CASK: variants seen among roughly 807,000 people sequenced by gnomAD.
The protein encoded by CASK is calcium/calmodulin dependent serine protein kinase.
Under a neutral mutation model 82.9 loss-of-function variants are expected in CASK, and 4 were observed. That is an observed-to-expected ratio of 0.05 (90% CI 0.02 to 0.11). The LOEUF (loss-of-function observed/expected upper bound fraction) is 0.11. Among genes scored for constraint, CASK ranks in the 10% least tolerant of loss-of-function variants. The pLI is 1.00. For missense variants in CASK, 358 were observed against 720.9 expected, an observed-to-expected ratio of 0.50 and a Z score of 5.76; for synonymous variants, 259 against 253.5, an observed-to-expected ratio of 1.02 and a Z score of -0.20.
chrX:41,599,238 C>T (rs960415954), intron 12 of CASK, among the ~76,000 whole-genome samples: 2 of 111,620 alleles, frequency 1.8e-5, no homozygotes, highest in African/African-American at 6.5e-5. Context: ...TTAGGTGTTC[C>T]GGGAAAGCTT....
intron 1 of CASK, 71 bp downstream of exon 1, chrX:41,922,859 G>A (rs1457085303): frequency 5.1e-6 from 5 of 983,029 alleles, no homozygotes; most frequent in African/African-American, 1.9e-5. Flanking sequence ...GGCCCCGAGC[G>A]GGTGCGGGAA....
At chrX:41,738,589 C>T (rs952295820) in intron 5 of CASK, among the ~76,000 whole-genome samples, 3 of 112,068 alleles carry the variant, frequency 2.7e-5, no homozygotes, top group East Asian at 2.8e-4. Flanking sequence ...TTAAATACAT[C>T]GAAGAAGCCA....
intron 2 of CASK, among the ~76,000 whole-genome samples, chrX:41,842,259 G>A (rs927699277): frequency 1.3e-4 from 14 of 111,650 alleles, no homozygotes; most frequent in African/African-American, 4.6e-4. Context: ...GTTACACTAT[G>A]TGTATTAATG....
intron 1 of CASK, among the ~76,000 whole-genome samples, chrX:41,913,854 G>A (rs1436989993): frequency 8.9e-6 from 1 of 111,895 alleles, no homozygotes; most frequent in Non-Finnish European, 1.9e-5. Context: ...GTGCCCAAAG[G>A]TTACCAGATC....
chrX:41,898,270 A>C (rs1037395972), intron 1 of CASK, among the ~76,000 whole-genome samples: 5 of 111,626 alleles, frequency 4.5e-5, no homozygotes, highest in African/African-American at 1.6e-4. Flanking sequence ...TGTTTATAGT[A>C]GTCTCTTATA....
chrX:41,800,375 C>T (rs2069968397), intron 2 of CASK, among the ~76,000 whole-genome samples: 2 of 110,924 alleles, frequency 1.8e-5, no homozygotes, highest in Non-Finnish European at 3.8e-5. Context: ...TTCCCCAGCT[C>T]CTACTCTATA....
At chrX:41,599,271 A>C (rs1322461357) in intron 12 of CASK, among the ~76,000 whole-genome samples, 1 of 112,294 alleles carries the variant, frequency 8.9e-6, no homozygotes, top group Non-Finnish European at 1.9e-5. Flanking sequence ...TTAGCAGTGA[A>C]ATGCTAACTT....
At chrX:41,577,856 TG>T (rs1261301563) in intron 15 of CASK, among the ~76,000 whole-genome samples, 1 of 111,526 alleles carries the variant, frequency 9.0e-6, no homozygotes, top group African/African-American at 3.3e-5. Flanking sequence ...TAGCTGGGAG[TG>T]GAAGAAATTT....
At chrX:41,567,748 T>C (rs2065341190) in intron 16 of CASK, among the ~76,000 whole-genome samples, 1 of 111,383 alleles carries the variant, frequency 9.0e-6, no homozygotes, top group Admixed American at 9.6e-5. Context: ...AGTATATACC[T>C]AAAGGATTAT....
At chrX:41,797,247 G>A (rs781678793) in intron 2 of CASK, among the ~76,000 whole-genome samples, 90 of 108,783 alleles carry the variant, frequency 8.3e-4, no homozygotes, top group Non-Finnish European at 1.1e-3. Context: ...CTTGTGCACC[G>A]GCCCCCTGCT....
At chrX:41,823,059 C>A (rs1011593018) in intron 2 of CASK, among the ~76,000 whole-genome samples, 3 of 107,818 alleles carry the variant, frequency 2.8e-5, no homozygotes, top group Non-Finnish European at 5.8e-5. Context: ...GGCCTTGAGG[C>A]AGCCTAGCAA....
intron 2 of CASK, among the ~76,000 whole-genome samples, chrX:41,807,893 T>C (rs1052353891): frequency 8.9e-6 from 1 of 111,834 alleles, no homozygotes; most frequent in Non-Finnish European, 1.9e-5. Context: ...TTCACTCTTA[T>C]CACCCAGGCT....
intron 9 of CASK, among the ~76,000 whole-genome samples, chrX:41,628,289 C>A (rs1204843396): frequency 8.9e-6 from 1 of 111,887 alleles, no homozygotes; most frequent in African/African-American, 3.2e-5. Context: ...GTTTAGGTAT[C>A]TGCTAATATG....
chrX:41,687,545 G>C (rs2067464341), intron 5 of CASK, among the ~76,000 whole-genome samples: 1 of 111,937 alleles, frequency 8.9e-6, no homozygotes, highest in Non-Finnish European at 1.9e-5. Flanking sequence ...CAAGGGCAGG[G>C]GGAGAGGAGA....
rs774241589 is a variant in CASK at position 41,671,573 on chromosome X, C to T, written c.430-43G>A. 4.9e-6 allele frequency: 4 copies of T among 823,826 alleles called. No homozygotes were observed. In the Admixed American group the frequency reaches 6.8e-5, roughly 14 times the overall value. 67.9% of individuals were successfully genotyped at this position (823,826 alleles called of 1,213,427 possible). A position where few individuals can be genotyped will look rare whatever the true frequency, so the allele number is the denominator to read the frequency against. Reference sequence around the variant, plus strand: ...CGAACAAACAAACAAAAAACAAACCCGAAGATAAGGATTCATTGAAGATGA... The same window carrying T: ...CGAACAAACAAACAAAAAACAAACCTGAAGATAAGGATTCATTGAAGATGA... On this transcript the variant is annotated intron_variant, in intron 5 of 26. Transcript: ENST00000378163.
intron 2 of CASK, among the ~76,000 whole-genome samples, chrX:41,820,559 A>G (rs1454215514): frequency 9.0e-6 from 1 of 111,252 alleles, no homozygotes; most frequent in East Asian, 2.8e-4. Context: ...AGGACTCAAT[A>G]TGGTTAAGAT....
At chrX:41,601,290 C>CA (rs1303041617) in intron 12 of CASK, among the ~76,000 whole-genome samples, 4 of 111,050 alleles carry the variant, frequency 3.6e-5, no homozygotes, top group Non-Finnish European at 1.9e-5. Flanking sequence ...CAAAAAAGAC[C>CA]AAAAAATTGA....
intron 2 of CASK, among the ~76,000 whole-genome samples, chrX:41,816,244 A>C (rs1227953581): frequency 8.9e-6 from 1 of 112,360 alleles, no homozygotes; most frequent in Non-Finnish European, 1.9e-5. Context: ...AACACAGTCA[A>C]CTCATCAAGA....
At chrX:41,575,310 T>C (rs2065469992) in intron 15 of CASK, among the ~76,000 whole-genome samples, 1 of 111,824 alleles carries the variant, frequency 8.9e-6, no homozygotes, top group South Asian at 3.8e-4. Context: ...CATTTCTCTG[T>C]AGAGAGGAAC....
Sources: gnomAD v4.1 joint callset for allele counts (sites outside exome capture counted in the v4.1 genomes callset) on GRCh38, gnomAD v4.1.1 for gene constraint, MANE v1.5 for transcripts, NCBI Gene and HGNC (gene_info 2026-07-23, HGNC 2026-07-21) for gene names.